The following ALDH1A3 variants were observed in gnomAD, a reference collection of about 807,000 sequenced individuals.
ALDH1A3 encodes retinaldehyde dehydrogenase 3.
In ALDH1A3, 28 loss-of-function variants were observed where a neutral mutation model predicts 57.5. The observed-to-expected ratio is 0.49, with a 90% CI of 0.36 to 0.67. ALDH1A3 has a LOEUF of 0.67. Ranked by LOEUF, ALDH1A3 falls within the 30% of genes least tolerant of loss-of-function variation. ALDH1A3 has a pLI of 0.00. For missense variants in ALDH1A3, 507 were observed against 669.4 expected (o/e 0.76, Z 2.68); for synonymous variants, 281 against 264.8 (o/e 1.06, Z -0.59).
chr15:100,896,223 T>C (rs1435601192), intron 7 of ALDH1A3, among the ~76,000 whole-genome samples, 177 bp downstream of exon 7: 1 of 152,156 alleles, frequency 6.6e-6, no homozygotes, highest in Non-Finnish European at 1.5e-5. Context: ...TAAATAAATA[T>C]CTAATAGAAC....
At chr15:100,907,055 G>C (rs1035005286) in intron 10 of ALDH1A3, 66 bp from the exon 11 acceptor site, 4 of 1,548,642 alleles carry the variant, frequency 2.6e-6, no homozygotes, top group Non-Finnish European at 2.6e-6. Flanking sequence ...AGAAGGAAAT[G>C]CTTGTTCACA....
rs2041677907 is a variant in ALDH1A3 at position 100,894,133 on chromosome 15, C to T, written c.666+51C>T. ...ACATGTTCTTGGTAACATTCCCACTCCTAGGAACCAGGCCACCGTCACGAG... is the reference window on the plus strand; with the variant it reads ...ACATGTTCTTGGTAACATTCCCACTTCTAGGAACCAGGCCACCGTCACGAG... On this transcript the variant is annotated intron_variant, in intron 6 of 12. Coordinates refer to ENST00000329841, the MANE Select transcript of ALDH1A3 (RefSeq NM_000693.4). The surrounding 1 kb of genome is among the most constrained non-coding windows in gnomAD (Gnocchi z 4.5). The T allele has an allele frequency of 2.5e-6, 4 of 1,599,084 alleles. No individual in the cohort carries two copies. The highest frequency in any genetic ancestry group is 3.4e-6 in the Non-Finnish European group (4 of 1,171,864).
chr15:100,905,780 C>A, intron 10 of ALDH1A3, 93 bp downstream of exon 10: 1 of 1,319,742 alleles, frequency 7.6e-7, no homozygotes, highest in Non-Finnish European at 1.0e-6. Flanking sequence ...TCCTTGTGAT[C>A]TGAGTGTTTT....
intron 10 of ALDH1A3, 98 bp downstream of exon 10, chr15:100,905,785 T>G: frequency 7.9e-7 from 1 of 1,266,844 alleles, no homozygotes; most frequent in South Asian, 1.6e-5. Context: ...GTGATCTGAG[T>G]GTTTTTTTGT....
In ALDH1A3 at chr15:100,895,785, G is replaced by A. The variant is rs986047962; in HGVS notation, c.667-148G>A. On this transcript the variant is annotated intron_variant, in intron 6 of 12. Transcript: ENST00000329841. ...CCAGGTCAGCTCCCAGGGTGCCCAC[G>A]GTCAACTGCTTCTGGGTCCTGGGTA... 10 of 673,056 alleles carry A rather than the reference G, an allele frequency of 1.5e-5. 1 individual carries two copies. The highest frequency in any genetic ancestry group is 4.1e-4 in the Middle Eastern group (1 of 2,456). The allele number at this position is 673,056 out of a possible 1,614,324, so 41.7% of individuals were successfully genotyped here. A position where few individuals can be genotyped will look rare whatever the true frequency, so the allele number is the denominator to read the frequency against.
At position 100,885,793 on chromosome 15, in the gene ALDH1A3, GA is replaced by G. The variant is rs958819068; in HGVS notation, c.204+430del. On this transcript the variant is annotated intron_variant, in intron 2 of 12. Transcript: ENST00000329841. Reference sequence around the variant, plus strand: ...TTAGAAAAAAATAGACACTTTGAAGGAAAAAAAATAGTTGCTACCCGGGTGA... The same window carrying G: ...TTAGAAAAAAATAGACACTTTGAAGGAAAAAAATAGTTGCTACCCGGGTGA... 2.6e-5 allele frequency among the ~76,000 whole-genome samples: 4 copies of G among 151,642 alleles called. No homozygotes were observed. In the East Asian group the frequency reaches 7.7e-4, roughly 29 times the overall value.
intron 3 of ALDH1A3, 197 bp from the exon 4 acceptor site, chr15:100,892,313 A>G (rs2041658292): frequency 3.0e-6 from 2 of 676,270 alleles, no homozygotes; most frequent in East Asian, 3.2e-5. Flanking sequence ...GTTTTGAAAT[A>G]AAAGCAATCC....
intron 1 of ALDH1A3, among the ~76,000 whole-genome samples, chr15:100,883,013 G>T (rs768513473): frequency 1.3e-5 from 2 of 152,150 alleles, no homozygotes; most frequent in Admixed American, 1.3e-4. Flanking sequence ...TAAGGTTGCT[G>T]GTTACAGATC....
chr15:100,895,655 T>C, intron 6 of ALDH1A3: 3 of 484,328 alleles, frequency 6.2e-6, no homozygotes, highest in African/African-American at 3.9e-5. Flanking sequence ...TAACCACACA[T>C]TTGCACTGCA....
At position 100,893,996 on chromosome 15, in the gene ALDH1A3, G is replaced by T; in HGVS notation, c.580G>T (p.Ala194Ser). 6.2e-7 allele frequency: 1 copy of T among 1,614,200 alleles called. No individual in the cohort carries two copies. Among genetic ancestry groups the T allele is most frequent in the South Asian group, 1.1e-5 (1 of 91,088 alleles). ...GATGCTGGTGTGGAAGCTGGCACCC[G>T]CCCTCTGCTGTGGGAACACCATGGT... ...LLMLVWKLAP[A>S]LCCGNTMVLK... The change falls in exon 6 of 13, where the codon GCC (alanine) becomes TCC (serine). Residue 194 changes from alanine to serine, a missense_variant. By Grantham distance (99) the Ala-to-Ser change is moderately conservative. Around this residue, in one of 2 missense-constraint regions of ALDH1A3, gnomAD observed 432 missense variants for 608.4 expected, o/e 0.71. Transcript: ENST00000329841. The surrounding 1 kb of genome is among the most constrained non-coding windows in gnomAD (Gnocchi z 4.8).
intron 9 of ALDH1A3, 151 bp downstream of exon 9, chr15:100,900,910 A>C: frequency 6.9e-6 from 6 of 865,696 alleles, no homozygotes; most frequent in Non-Finnish European, 1.0e-5. Flanking sequence ...ACTGATCAGA[A>C]ACACAATCCT....
chr15:100,880,163 C>A, intron 1 of ALDH1A3, 157 bp downstream of exon 1: 1 of 442,640 alleles, frequency 2.3e-6, no homozygotes, highest in South Asian at 1.1e-4. Context: ...AGAAACCGCA[C>A]CTTTCGCGGG....
chr15:100,900,850 T>A (rs4646675), intron 9 of ALDH1A3, 91 bp downstream of exon 9: 10 of 1,408,582 alleles, frequency 7.1e-6, no homozygotes, highest in Non-Finnish European at 9.7e-6. Flanking sequence ...TCCCTCTCCG[T>A]GAAAGGAATG....
chr15:100,893,822 C>T lies in ALDH1A3; in HGVS notation c.538-132C>T. On this transcript the variant is annotated intron_variant, in intron 5 of 12. Coordinates refer to ENST00000329841, the MANE Select transcript of ALDH1A3 (RefSeq NM_000693.4). This position sits in a 1 kb window ranked among gnomAD's most constrained non-coding sequence, Gnocchi z 4.8. ...GGATTGCAGTTCTGATCATTGCACA[C>T]TCCTATGTTACCCCACATACCCCAA... 1 of 1,263,742 alleles carries T rather than the reference C, an allele frequency of 7.9e-7. No individual in the cohort carries two copies. Among genetic ancestry groups the T allele is most frequent in the Non-Finnish European group, 1.1e-6 (1 of 913,004 alleles). The allele number at this position is 1,263,742 out of a possible 1,614,324, so 78.3% of individuals were successfully genotyped here. A position where few individuals can be genotyped will look rare whatever the true frequency, so the allele number is the denominator to read the frequency against.
At chr15:100,907,064 C>T in intron 10 of ALDH1A3, 57 bp from the exon 11 acceptor site, 1 of 1,563,030 alleles carries the variant, frequency 6.4e-7, no homozygotes, top group Admixed American at 1.7e-5. Flanking sequence ...TGCTTGTTCA[C>T]AGCATGCATT....
At chr15:100,908,369 T>G (rs199824298) in intron 11 of ALDH1A3, 39 bp from the exon 12 acceptor site, 1 of 1,577,042 alleles carries the variant, frequency 6.3e-7, no homozygotes, top group East Asian at 2.2e-5. Flanking sequence ...CAGGGGGTCT[T>G]CTCCAGATGA....
At position 100,893,709 on chromosome 15, in the gene ALDH1A3, G is replaced by C. The variant is rs146764584; in HGVS notation, c.538-245G>C. 778 of 409,730 alleles carry C rather than the reference G, an allele frequency of 1.9e-3. 5 individuals are homozygous for C. Among genetic ancestry groups the C allele is most frequent in the African/African-American group, 0.015 (733 of 49,696 alleles). 25.4% of individuals were successfully genotyped at this position (409,730 alleles called of 1,614,324 possible). A position where few individuals can be genotyped will look rare whatever the true frequency, so the allele number is the denominator to read the frequency against. ...ACACGTCTTCAGCAGATGTTTTAGA[G>C]GGAGAGGTAGAACACATGCAACAGC... On this transcript the variant is annotated intron_variant, in intron 5 of 12. Coordinates refer to ENST00000329841, the MANE Select transcript of ALDH1A3 (RefSeq NM_000693.4). The surrounding 1 kb of genome is among the most constrained non-coding windows in gnomAD (Gnocchi z 4.8).
Position 100,916,423 on chromosome 15 carries a change from G to A in ALDH1A3, c.*1650G>A, listed in dbSNP as rs879064213. On this transcript the variant is annotated 3_prime_UTR_variant, in exon 13 of 13. Transcript: ENST00000329841. ...AGAGTTATTGTATCTTTTTATAGTT[G>A]TAAGTACACAGAGGTGGTATATTTA... is the stretch of plus-strand genomic sequence containing the variant. 5.2e-5 allele frequency: 8 copies of A among 152,490 alleles called. No individual in the cohort carries two copies. Among genetic ancestry groups the A allele is most frequent in the Admixed American group, 4.6e-4 (7 of 15,266 alleles). 9.4% of individuals were successfully genotyped at this position (152,490 alleles called of 1,614,324 possible).
In ALDH1A3 at chr15:100,894,135, TA is replaced by T; in HGVS notation, c.666+54del. The T allele has an allele frequency of 1.3e-6, 2 of 1,597,650 alleles. No individual in the cohort carries two copies. Among genetic ancestry groups the T allele is most frequent in the East Asian group, 4.5e-5 (2 of 44,730 alleles). ...ATGTTCTTGGTAACATTCCCACTCC[TA>T]GGAACCAGGCCACCGTCACGAGATG... On this transcript the variant is annotated intron_variant, in intron 6 of 12. Coordinates refer to ENST00000329841, the MANE Select transcript of ALDH1A3 (RefSeq NM_000693.4). This position sits in a 1 kb window ranked among gnomAD's most constrained non-coding sequence, Gnocchi z 4.5.
Sources: allele counts gnomAD v4.1 joint callset (sites outside exome capture counted in the v4.1 genomes callset), GRCh38; gene constraint gnomAD v4.1.1; regional missense constraint gnomAD v4.1.1; non-coding constraint Gnocchi (gnomAD v3.1); transcripts MANE v1.5; gene names NCBI Gene and HGNC (gene_info 2026-07-23, HGNC 2026-07-21).